The following TNFRSF11A variants were observed in gnomAD, a reference collection of about 807,000 sequenced individuals.
TNFRSF11A encodes tumor necrosis factor receptor superfamily member 11A.
TNFRSF11A carries 32 observed loss-of-function variants against 55.7 expected under a neutral mutation model. The ratio of observed to expected loss-of-function variants is 0.57; its 90% confidence interval spans 0.43 to 0.77. TNFRSF11A has a LOEUF of 0.77. Among genes scored for constraint, TNFRSF11A ranks in the 30% least tolerant of loss-of-function variants. The pLI is 0.00. For synonymous variants in TNFRSF11A, 311 were observed against 331.0 expected (o/e 0.94, Z 0.65); for missense variants, 753 against 809.8 (o/e 0.93, Z 0.85).
rs781379689 is a variant in TNFRSF11A, at chr18:62,325,389, G to A, written c.37G>A (p.Ala13Thr). 4.5e-5 allele frequency: 51 copies of A among 1,121,108 alleles called. 1 individual carries two copies. In the South Asian group the frequency reaches 1.6e-3, roughly 35 times the overall value. 69.4% of individuals were successfully genotyped at this position (1,121,108 alleles called of 1,614,324 possible). ...CGCCCGGCGGCGCCGCCCGCTGTTC[G>A]CGCTGCTGCTGCTCTGCGCGCTGCT... ...PRARRRRPLF[A>T]LLLLCALLAR... The change falls in exon 1 of 10, where the codon GCG becomes ACG. Residue 13 changes from alanine (A) to threonine (T), a missense_variant. By Grantham distance (58) the Ala-to-Thr change is moderately conservative (BLOSUM62 0). Around this residue, in one of 3 missense-constraint regions of TNFRSF11A, gnomAD observed 156 missense variants for 155.1 expected, o/e 1.01. Transcript: ENST00000586569. This position sits in a 1 kb window ranked among gnomAD's most constrained non-coding sequence, Gnocchi z 4.7.
intron 1 of TNFRSF11A, among the ~76,000 whole-genome samples, chr18:62,331,859 C>T (rs553270387): frequency 6.6e-6 from 1 of 152,334 alleles, no homozygotes; most frequent in South Asian, 2.1e-4. Flanking sequence ...TTAGACTTCC[C>T]CATACCCCCA....
At chr18:62,335,285 A>G (rs1428900063) in intron 1 of TNFRSF11A, among the ~76,000 whole-genome samples, 1 of 151,090 alleles carries the variant, frequency 6.6e-6, no homozygotes, top group African/African-American at 2.4e-5. Flanking sequence ...TTTTTTTTGT[A>G]TTTTTAGTAG....
intron 1 of TNFRSF11A, among the ~76,000 whole-genome samples, chr18:62,340,180 A>T (rs1197900997): frequency 6.6e-6 from 1 of 151,842 alleles, no homozygotes; most frequent in South Asian, 2.1e-4. Flanking sequence ...TGACAGAATG[A>T]GACTCTGTAT....
intron 9 of TNFRSF11A, among the ~76,000 whole-genome samples, chr18:62,372,694 T>C (rs1910636031): frequency 6.6e-6 from 1 of 152,162 alleles, no homozygotes; most frequent in Admixed American, 6.5e-5. Context: ...CCAGTGTCTA[T>C]TGTTGCCTTC....
intron 1 of TNFRSF11A, among the ~76,000 whole-genome samples, chr18:62,330,453 C>A (rs2046135432): frequency 6.6e-6 from 1 of 152,044 alleles, no homozygotes; most frequent in Non-Finnish European, 1.5e-5. Flanking sequence ...TTGCAGGGAA[C>A]CGAAGGAAGG....
intron 1 of TNFRSF11A, among the ~76,000 whole-genome samples, chr18:62,339,720 T>C (rs924385447): frequency 1.3e-5 from 2 of 152,190 alleles, no homozygotes; most frequent in Non-Finnish European, 2.9e-5. Flanking sequence ...TACTTCCTCC[T>C]GTTAAACTCT....
chr18:62,349,068 G>A (rs371543711), intron 2 of TNFRSF11A, among the ~76,000 whole-genome samples: 10 of 152,252 alleles, frequency 6.6e-5, no homozygotes, highest in South Asian at 6.2e-4. Flanking sequence ...AGAGGGGATG[G>A]GTGATGAAGT....
In TNFRSF11A at chr18:62,384,704, C is replaced by T. The variant is rs1177558989; in HGVS notation, c.1568-47C>T. ...CCTTCCTCTCGGCAGACCCTGCCTC[C>T]GGGCGCTGACTCACCCTCCCCGTGT... On this transcript the variant is annotated intron_variant, in intron 9 of 9. Coordinates refer to ENST00000586569, the MANE Select transcript of TNFRSF11A (RefSeq NM_003839.4). The T allele has an allele frequency of 5.6e-6, 9 of 1,596,192 alleles. No homozygotes were observed. The Admixed American group carries it at 8.6e-5, about 15-fold the overall frequency.
At position 62,386,793 on chromosome 18, in the gene TNFRSF11A, A is replaced by AT. The variant is rs1911765845; in HGVS notation, c.*1760dup. On this transcript the variant is annotated 3_prime_UTR_variant, in exon 10 of 10. Coordinates refer to ENST00000586569, the MANE Select transcript of TNFRSF11A (RefSeq NM_003839.4). The stretch of plus-strand genomic sequence containing the variant: ...GAAGCACAGGACAGTTCTGTAATTT[A>AT]TGGGACTCCTTAGCCAACATAAAGA... 1 of 152,182 alleles carries AT rather than the reference A, an allele frequency of 6.6e-6. No individual in the cohort carries two copies. The highest frequency in any genetic ancestry group is 2.4e-5 in the African/African-American group (1 of 41,446). 9.4% of individuals were successfully genotyped at this position (152,182 alleles called of 1,614,324 possible).
intron 1 of TNFRSF11A, 110 bp from the exon 2 acceptor site, chr18:62,348,058 C>CAAA (rs201661953): frequency 1.4e-4 from 88 of 640,748 alleles, no homozygotes; most frequent in South Asian, 1.9e-4. Flanking sequence ...AAACTCCATT[C>CAAA]AAAAAAAAAA....
At position 62,368,979 on chromosome 18, in the gene TNFRSF11A, C is replaced by T. The variant is rs375181632; in HGVS notation, c.1062C>T (p.Ser354=). ...AAGATGAATACATGGACAGGCCCTC[C>T]CAGCCCACAGACCAGTTACTGTTCC... ...PTEDEYMDRP[S]QPTDQLLFLT... The change falls in exon 9 of 10, where the codon TCC becomes TCT. Residue 354 remains serine, a synonymous_variant. Coordinates refer to ENST00000586569, the MANE Select transcript of TNFRSF11A (RefSeq NM_003839.4). 1.2e-6 allele frequency: 2 copies of T among 1,614,244 alleles called. No homozygotes were observed. The highest frequency in any genetic ancestry group is 1.7e-5 in the Admixed American group (1 of 60,028).
In TNFRSF11A at chr18:62,325,424, G is replaced by T. The variant is rs1271308230; in HGVS notation, c.72G>T (p.Leu24=). 3.2e-6 allele frequency: 4 copies of T among 1,264,034 alleles called. No homozygotes were observed. Among genetic ancestry groups the T allele is most frequent in the Non-Finnish European group, 1.0e-6 (1 of 992,090 alleles). The allele number at this position is 1,264,034 out of a possible 1,614,324, so 78.3% of individuals were successfully genotyped here. Residue 24 remains leucine (L), a synonymous_variant, in exon 1 of 10, where the codon CTG becomes CTT. Transcript: ENST00000586569. The surrounding 1 kb of genome is among the most constrained non-coding windows in gnomAD (Gnocchi z 4.7). Reference sequence around the variant, plus strand: ...TGCTCTGCGCGCTGCTCGCCCGGCTGCAGGTAAGGAGCGCCCGCGCCTGCC... The same window carrying T: ...TGCTCTGCGCGCTGCTCGCCCGGCTTCAGGTAAGGAGCGCCCGCGCCTGCC... The part of the protein sequence containing the change: ...LLLLCALLAR[L]QVALQIAPPC...
chr18:62,374,898 C>T (rs1910782102), intron 9 of TNFRSF11A, among the ~76,000 whole-genome samples: 1 of 141,556 alleles, frequency 7.1e-6, no homozygotes, highest in Non-Finnish European at 1.6e-5. Flanking sequence ...TCAACTAATC[C>T]ATTCTTTTTT....
At chr18:62,382,334 C>T (rs1237776957) in intron 9 of TNFRSF11A, among the ~76,000 whole-genome samples, 1 of 152,082 alleles carries the variant, frequency 6.6e-6, no homozygotes, top group Non-Finnish European at 1.5e-5. Context: ...TGGTCTTGAA[C>T]TCCTGACCCC....
intron 4 of TNFRSF11A, chr18:62,357,981 C>T: frequency 6.5e-6 from 3 of 462,764 alleles, no homozygotes; most frequent in South Asian, 6.3e-5. Context: ...CATCACATAC[C>T]AGTGTTAGTG....
chr18:62,362,532 A>G (rs546114262), intron 7 of TNFRSF11A, among the ~76,000 whole-genome samples: 6 of 151,442 alleles, frequency 4.0e-5, no homozygotes, highest in African/African-American at 1.2e-4. Context: ...GATTATGAAA[A>G]TAAGTTATAT....
intron 1 of TNFRSF11A, among the ~76,000 whole-genome samples, chr18:62,346,767 A>G (rs2046389847): frequency 6.6e-6 from 1 of 152,184 alleles, no homozygotes; most frequent in African/African-American, 2.4e-5. Context: ...GCTGCCTTCT[A>G]TAATGGAGCT....
At chr18:62,372,914 G>A (rs1910647808) in intron 9 of TNFRSF11A, 1 of 152,064 alleles carries the variant, frequency 6.6e-6, no homozygotes, top group Non-Finnish European at 1.5e-5. Flanking sequence ...TTAATTTATT[G>A]AAGGTCCAAT....
intron 3 of TNFRSF11A, among the ~76,000 whole-genome samples, 160 bp downstream of exon 3, chr18:62,350,097 G>T (rs573732817): frequency 6.6e-6 from 1 of 152,142 alleles, no homozygotes; most frequent in South Asian, 2.1e-4. Context: ...AGATCCCCAA[G>T]GCCTCTGTTA....
Sources: gnomAD v4.1 joint callset for allele counts (sites outside exome capture counted in the v4.1 genomes callset) on GRCh38, gnomAD v4.1.1 for gene constraint, gnomAD v4.1.1 regional missense constraint, Gnocchi (gnomAD v3.1) non-coding constraint, MANE v1.5 for transcripts, NCBI Gene and HGNC (gene_info 2026-07-23, HGNC 2026-07-21) for gene names.